ZNF385D: variants seen among roughly 807,000 people sequenced by gnomAD.
ZNF385D encodes the protein zinc finger protein 385D.
In ZNF385D, 15 loss-of-function variants were observed where a neutral mutation model predicts 35.8. The observed-to-expected ratio is 0.42, with a 90% CI of 0.28 to 0.64. ZNF385D has a LOEUF of 0.64. ZNF385D is among the 30% of genes least tolerant of loss of function. The probability of loss-of-function intolerance (pLI) is 0.23; values close to 1 mark genes in which losing one functional copy is unlikely to be tolerated. For missense variants in ZNF385D, 474 were observed against 494.6 expected (o/e 0.96, Z 0.39); for synonymous variants, 212 against 186.8 (o/e 1.13, Z -1.10).
chr3:22,091,288 A>G (rs1438701520), intron 3 of ZNF385D, among the ~76,000 whole-genome samples: 2 of 152,210 alleles, frequency 1.3e-5, no homozygotes, highest in Non-Finnish European at 2.9e-5. Context: ...GATAAACCAT[A>G]GCACTGAGAA....
At chr3:22,369,565 G>A (rs923186028) in intron 2 of ZNF385D, among the ~76,000 whole-genome samples, 2 of 152,080 alleles carry the variant, frequency 1.3e-5, no homozygotes, top group Non-Finnish European at 2.9e-5. Flanking sequence ...ATGAAACATA[G>A]TAAATTATCG....
intron 3 of ZNF385D, among the ~76,000 whole-genome samples, chr3:21,808,145 G>GT (rs2072737971): frequency 6.6e-6 from 1 of 151,972 alleles, no homozygotes; most frequent in Admixed American, 6.6e-5. Flanking sequence ...TAGTGACACA[G>GT]GATAAGAAAA....
intron 3 of ZNF385D, among the ~76,000 whole-genome samples, chr3:22,093,334 G>A (rs1701428233): frequency 6.6e-6 from 1 of 151,238 alleles, no homozygotes; most frequent in Admixed American, 6.6e-5. Context: ...AACTACATAT[G>A]GATACAAATA....
intron 3 of ZNF385D, among the ~76,000 whole-genome samples, chr3:21,761,399 C>T (rs2070602002): frequency 6.6e-6 from 1 of 152,132 alleles, no homozygotes; most frequent in African/African-American, 2.4e-5. Flanking sequence ...ACTTTATAGT[C>T]TAGATTTAAC....
At position 21,674,356 on chromosome 3, in the gene ZNF385D, T is replaced by A. The variant is rs571864768; in HGVS notation, c.23-9328A>T. On this transcript the variant is annotated intron_variant, in intron 1 of 7. Transcript: ENST00000281523. ...AGACAATTATTTTCTCCACTTTGAC[T>A]GGGAAGGAAAAGTAGAGTGGGACAC... Among the ~76,000 whole-genome samples, 4 of 152,104 alleles carry A rather than the reference T, an allele frequency of 2.6e-5. 1 individual carries two copies. In the South Asian group the frequency reaches 8.3e-4, roughly 32 times the overall value.
intron 2 of ZNF385D, among the ~76,000 whole-genome samples, chr3:21,623,255 A>G (rs556832015): frequency 6.6e-6 from 1 of 152,276 alleles, no homozygotes; most frequent in Admixed American, 6.5e-5. Context: ...TTTAATTGAT[A>G]CAAGCTCCTA....
intron 3 of ZNF385D, among the ~76,000 whole-genome samples, chr3:21,913,437 G>T (rs1157411453): frequency 6.6e-6 from 1 of 152,052 alleles, no homozygotes; most frequent in East Asian, 1.9e-4. Context: ...TATGAGTTTT[G>T]TATTACAAAT....
intron 1 of ZNF385D, among the ~76,000 whole-genome samples, chr3:21,686,522 A>C (rs983227572): frequency 2.6e-5 from 4 of 152,214 alleles, no homozygotes; most frequent in African/African-American, 9.6e-5. Flanking sequence ...AAAAAGTAAA[A>C]ATAGGTGAAA....
At chr3:21,949,537 C>CTTT (rs200708584) in intron 3 of ZNF385D, among the ~76,000 whole-genome samples, 18,710 of 111,484 alleles carry the variant, frequency 0.17, 1,895 homozygotes, top group South Asian at 0.37. Flanking sequence ...TATTTTCTTT[C>CTTT]CTTCTTTTCT....
intron 3 of ZNF385D, among the ~76,000 whole-genome samples, chr3:22,091,860 G>A (rs1701349087): frequency 6.6e-6 from 1 of 152,156 alleles, no homozygotes; most frequent in East Asian, 1.9e-4. Flanking sequence ...GTGGTAGGTG[G>A]TTAACTTTAC....
intron 3 of ZNF385D, among the ~76,000 whole-genome samples, chr3:22,144,400 C>G (rs1427468755): frequency 6.6e-6 from 1 of 151,396 alleles, no homozygotes; most frequent in Non-Finnish European, 1.5e-5. Context: ...AGGGTGAAAC[C>G]CCCTCTCTAT....
intron 2 of ZNF385D, among the ~76,000 whole-genome samples, chr3:21,603,559 A>G (rs2064382643): frequency 6.6e-6 from 1 of 152,222 alleles, no homozygotes; most frequent in Non-Finnish European, 1.5e-5. Context: ...CTAGTTCTCT[A>G]TAAGGTAATA....
intron 1 of ZNF385D, among the ~76,000 whole-genome samples, chr3:21,689,029 C>G (rs759512161): frequency 4.4e-4 from 65 of 148,964 alleles, no homozygotes; most frequent in Non-Finnish European, 7.5e-4. Flanking sequence ...ATATACAAAT[C>G]TTACATAATT....
intron 3 of ZNF385D, among the ~76,000 whole-genome samples, chr3:21,810,267 C>T (rs1176597018): frequency 6.6e-6 from 1 of 151,548 alleles, no homozygotes; most frequent in East Asian, 1.9e-4. Context: ...AAGACAGAAA[C>T]TACATGATCA....
intron 3 of ZNF385D, among the ~76,000 whole-genome samples, chr3:21,941,555 T>A (rs4638988): frequency 2.1e-5 from 3 of 140,376 alleles, no homozygotes; most frequent in African/African-American, 8.1e-5. Flanking sequence ...TGGAATGCAG[T>A]GGCATGATCT....
rs80073048 is a variant in ZNF385D, at chr3:22,248,145, T to A, written c.107-79110A>T. ...TCTGTTTTCTGGCATCAGGCAAATC[T>A]CAACATTTTGTATTCTAGTGTAATC... On this transcript the variant is annotated intron_variant, in intron 2 of 5. Coordinates refer to the ZNF385D transcript ENST00000494108. Among the ~76,000 whole-genome samples the A allele has an allele frequency of 3.2e-3, 491 of 152,258 alleles. 1 individual carries two copies. Among genetic ancestry groups the A allele is most frequent in the African/African-American group, 0.011 (461 of 41,554 alleles).
intron 3 of ZNF385D, among the ~76,000 whole-genome samples, chr3:21,816,833 G>C (rs1284216291): frequency 6.6e-6 from 1 of 152,004 alleles, no homozygotes; most frequent in Non-Finnish European, 1.5e-5. Flanking sequence ...GGAAAAAACT[G>C]CTTGAAAGTG....
chr3:21,980,239 G>A (rs146662179), intron 3 of ZNF385D, among the ~76,000 whole-genome samples: 1 of 152,090 alleles, frequency 6.6e-6, no homozygotes, highest in African/African-American at 2.4e-5. Context: ...CCCCAGTCAA[G>A]CTTTCAGTTA....
chr3:22,371,578 T>G (rs1189098068), intron 2 of ZNF385D, among the ~76,000 whole-genome samples: 1 of 152,208 alleles, frequency 6.6e-6, no homozygotes, highest in Admixed American at 6.5e-5. Context: ...GGGACAGATC[T>G]GGAATTGGGC....
Sources: allele counts gnomAD v4.1 joint callset (sites outside exome capture counted in the v4.1 genomes callset), GRCh38; gene constraint gnomAD v4.1.1; transcripts MANE v1.5; gene names NCBI Gene and HGNC (gene_info 2026-07-23, HGNC 2026-07-21).